GABRG3: variants seen among roughly 807,000 people sequenced by gnomAD.
GABRG3 encodes the protein gamma-aminobutyric acid receptor subunit gamma-3.
A neutral mutation model predicts 48.8 loss-of-function variants in GABRG3; 25 were observed. That is an observed-to-expected ratio of 0.51 (90% CI 0.37 to 0.72). The LOEUF is 0.72. GABRG3 is among the 30% of genes least tolerant of loss of function. The probability of loss-of-function intolerance (pLI) is 0.00; values close to 1 mark genes in which losing one functional copy is unlikely to be tolerated. For synonymous variants in GABRG3, 227 were observed against 217.6 expected, an observed-to-expected ratio of 1.04 and a Z score of -0.38; for missense variants, 394 against 577.9, an observed-to-expected ratio of 0.68 and a Z score of 3.26.
At chr15:27,131,010 A>G (rs1455606713) in intron 3 of GABRG3, among the ~76,000 whole-genome samples, 1 of 151,992 alleles carries the variant, frequency 6.6e-6, no homozygotes, top group Non-Finnish European at 1.5e-5. Flanking sequence ...TTCCTTTCCA[A>G]TTTGTATGCC....
intron 3 of GABRG3, among the ~76,000 whole-genome samples, chr15:27,187,248 T>C (rs1020877816): frequency 1.3e-5 from 2 of 152,196 alleles, no homozygotes; most frequent in African/African-American, 4.8e-5. Flanking sequence ...TGAGGAGCTT[T>C]ATTTCTGGTT....
chr15:27,213,440 CAG>C (rs1889135971), intron 3 of GABRG3, among the ~76,000 whole-genome samples: 1 of 152,198 alleles, frequency 6.6e-6, no homozygotes, highest in Admixed American at 6.5e-5. Context: ...AAAGCAGAAA[CAG>C]GGAGCAAAGA....
chr15:27,083,686 C>G (rs530574267), intron 3 of GABRG3, among the ~76,000 whole-genome samples: 1 of 152,146 alleles, frequency 6.6e-6, no homozygotes, highest in South Asian at 2.1e-4. Context: ...TATGCAATGG[C>G]CAAAAAACCA....
intron 2 of GABRG3, among the ~76,000 whole-genome samples, chr15:26,979,342 T>C (rs1352639678): frequency 6.6e-6 from 1 of 152,190 alleles, no homozygotes; most frequent in African/African-American, 2.4e-5. Context: ...ATTTATTTTT[T>C]CTTGCCTGTT....
At chr15:27,464,703 T>G (rs534443817) in intron 5 of GABRG3, among the ~76,000 whole-genome samples, 1 of 152,338 alleles carries the variant, frequency 6.6e-6, no homozygotes, top group African/African-American at 2.4e-5. Context: ...CATCTCTTGG[T>G]GACTAATGAT....
intron 3 of GABRG3, among the ~76,000 whole-genome samples, chr15:27,310,416 T>C (rs1192930190): frequency 6.6e-6 from 1 of 152,102 alleles, no homozygotes; most frequent in African/African-American, 2.4e-5. Flanking sequence ...AAAAATCTAG[T>C]AAAAGATGAG....
chr15:27,489,896 T>C (rs1438256324), intron 6 of GABRG3, among the ~76,000 whole-genome samples: 5 of 152,226 alleles, frequency 3.3e-5, no homozygotes, highest in African/African-American at 1.2e-4. Flanking sequence ...TTTGTCAATT[T>C]TGGCTTTTGT....
In GABRG3 at chr15:26,971,530, G is replaced by T. The variant is rs1894842927; in HGVS notation, c.-6G>T. 2 of 1,525,020 alleles carry T rather than the reference G, an allele frequency of 1.3e-6. No individual in the cohort carries two copies. The highest frequency in any genetic ancestry group is 1.8e-6 in the Non-Finnish European group (2 of 1,136,816). 94.5% of individuals were successfully genotyped at this position (1,525,020 alleles called of 1,614,324 possible). A position where few individuals can be genotyped will look rare whatever the true frequency, so the allele number is the denominator to read the frequency against. On this transcript the variant is annotated 5_prime_UTR_variant, in exon 1 of 10. Coordinates refer to ENST00000615808, the MANE Select transcript of GABRG3 (RefSeq NM_033223.5). ...CCGGACCCTGCGCCCCGAGCTCCACGGCACCATGGCCCCGAAGCTGCTGCT... is the reference window on the plus strand; with the variant it reads ...CCGGACCCTGCGCCCCGAGCTCCACTGCACCATGGCCCCGAAGCTGCTGCT...
At chr15:27,298,673 T>A (rs1892086916) in intron 3 of GABRG3, among the ~76,000 whole-genome samples, 1 of 151,758 alleles carries the variant, frequency 6.6e-6, no homozygotes, top group Non-Finnish European at 1.5e-5. Flanking sequence ...ATTTTTTTTT[T>A]ATATTTCCAA....
intron 7 of GABRG3, among the ~76,000 whole-genome samples, chr15:27,522,514 T>C (rs772180401): frequency 7.9e-5 from 12 of 151,666 alleles, no homozygotes; most frequent in Non-Finnish European, 1.6e-4. Flanking sequence ...ACTTATGACA[T>C]CAGAAAAAAT....
chr15:27,015,341 C>T (rs1895758647), intron 2 of GABRG3, among the ~76,000 whole-genome samples: 1 of 149,336 alleles, frequency 6.7e-6, no homozygotes, highest in African/African-American at 2.5e-5. Context: ...TAACTTTCTG[C>T]CCCTCCTTTC....
chr15:27,046,171 G>A (rs544852124), intron 3 of GABRG3, among the ~76,000 whole-genome samples: 32 of 152,088 alleles, frequency 2.1e-4, no homozygotes, highest in African/African-American at 7.2e-4. Context: ...TCAGCTCACC[G>A]CAACGTCCGT....
intron 3 of GABRG3, among the ~76,000 whole-genome samples, chr15:27,253,727 ATCTCCCT>A (rs1363551477): frequency 6.6e-6 from 1 of 152,096 alleles, no homozygotes; most frequent in Non-Finnish European, 1.5e-5. Context: ...TCTCTTCTTG[ATCTCCCT>A]GGCAAGTCGG....
chr15:27,519,791 T>C (rs1393261251), intron 6 of GABRG3, among the ~76,000 whole-genome samples, 181 bp from the exon 7 acceptor site: 1 of 152,236 alleles, frequency 6.6e-6, no homozygotes, highest in Non-Finnish European at 1.5e-5. Context: ...GGTACAGCCA[T>C]GGTTACTATG....
At chr15:27,120,092 C>A (rs780867147) in intron 3 of GABRG3, among the ~76,000 whole-genome samples, 8 of 152,228 alleles carry the variant, frequency 5.3e-5, no homozygotes, top group Non-Finnish European at 1.0e-4. Context: ...AATGTTTAAA[C>A]AACTGAATTC....
intron 3 of GABRG3, among the ~76,000 whole-genome samples, chr15:27,214,720 T>G (rs1230700540): frequency 1.3e-5 from 2 of 150,096 alleles, no homozygotes; most frequent in Admixed American, 1.3e-4. Flanking sequence ...GGTAGGAAGC[T>G]TGACTCATTT....
intron 5 of GABRG3, among the ~76,000 whole-genome samples, chr15:27,399,428 A>G (rs748403594): frequency 1.3e-5 from 2 of 152,218 alleles, no homozygotes; most frequent in Non-Finnish European, 2.9e-5. Flanking sequence ...CCTGCGGTTA[A>G]TCAGTATTCA....
intron 5 of GABRG3, among the ~76,000 whole-genome samples, chr15:27,336,455 T>C (rs1893980755): frequency 6.6e-6 from 1 of 152,060 alleles, no homozygotes; most frequent in Non-Finnish European, 1.5e-5. Flanking sequence ...TAATAGTAAA[T>C]GTAAATTAAA....
intron 2 of GABRG3, among the ~76,000 whole-genome samples, chr15:26,986,787 G>T (rs946288618): frequency 6.6e-6 from 1 of 152,076 alleles, no homozygotes; most frequent in African/African-American, 2.4e-5. Flanking sequence ...AATAACAAAT[G>T]ATCTGTTTCT....
Sources: allele counts gnomAD v4.1 joint callset (sites outside exome capture counted in the v4.1 genomes callset), GRCh38; gene constraint gnomAD v4.1.1; transcripts MANE v1.5; gene names NCBI Gene and HGNC (gene_info 2026-07-23, HGNC 2026-07-21).